The following CCDC171 variants were observed in gnomAD, a reference collection of about 807,000 sequenced individuals.
CCDC171 encodes the protein coiled-coil domain containing 171, also known as coiled-coil domain-containing protein 171.
A neutral mutation model predicts 168.2 loss-of-function variants in CCDC171; 177 were observed. That is an observed-to-expected ratio of 1.05 (90% CI 0.93 to 1.19). CCDC171 has a LOEUF of 1.19. Among genes scored for constraint, CCDC171 ranks in the 50% most tolerant of loss-of-function variants. CCDC171 has a pLI of 0.00. For synonymous variants in CCDC171, 687 were observed against 540.8 expected (o/e 1.27, Z -3.75); for missense variants, 1,991 against 1,539.0 (o/e 1.29, Z -4.91).
At chr9:16,046,764 T>G (rs1284302775) in intron 1 of CCDC171, among the ~76,000 whole-genome samples, 1 of 152,206 alleles carries the variant, frequency 6.6e-6, no homozygotes, top group Admixed American at 6.5e-5. Context: ...GCCTTTCACC[T>G]TCCACCATGA....
At chr9:15,984,480 AT>A in intron 3 of CCDC171, among the ~76,000 whole-genome samples, 1 of 150,972 alleles carries the variant, frequency 6.6e-6, no homozygotes, top group Non-Finnish European at 1.5e-5. Context: ...ATACATATAT[AT>A]GTCATAATTA....
chr9:15,976,585 A>G (rs1459208834), downstream of CCDC171, among the ~76,000 whole-genome samples: 1 of 151,894 alleles, frequency 6.6e-6, no homozygotes, highest in Admixed American at 6.6e-5. Flanking sequence ...TAGCTTTCTT[A>G]CAAAAGAAAT....
rs772670746 is a variant in CCDC171 at position 15,623,369 on chromosome 9, G to A, written c.778G>A (p.Glu260Lys). ...TTTACGGCGACAAACAAGTGAACTT[G>A]AATTTAGCACTCAACGAGAGGAACG... The part of the protein sequence containing the change: ...DLLRRQTSEL[E>K]FSTQREERLR... Residue 260 changes from glutamate (E) to lysine (K), a missense_variant, in exon 7 of 26, where the codon GAA becomes AAA. Glu to Lys is a moderately conservative substitution (Grantham distance 56). Coordinates refer to ENST00000380701, the MANE Select transcript of CCDC171 (RefSeq NM_173550.4). 1.2e-6 allele frequency: 2 copies of A among 1,611,994 alleles called. No homozygotes were observed. The highest frequency in any genetic ancestry group is 1.7e-6 in the Non-Finnish European group (2 of 1,178,834).
chr9:16,062,123 T>G (rs1044006103), downstream of CCDC171, among the ~76,000 whole-genome samples: 1 of 152,036 alleles, frequency 6.6e-6, no homozygotes, highest in African/African-American at 2.4e-5. Flanking sequence ...TGATGACCAC[T>G]AGGCTACACT....
chr9:16,072,718 T>C, the CCDC171 span, among the ~76,000 whole-genome samples: 1 of 152,096 alleles, frequency 6.6e-6, no homozygotes, highest in South Asian at 2.1e-4. Context: ...CACTCTCACC[T>C]CTATCTTGGT....
chr9:15,916,934 G>C (rs1442807360), intron 24 of CCDC171, among the ~76,000 whole-genome samples: 1 of 151,870 alleles, frequency 6.6e-6, no homozygotes, highest in Non-Finnish European at 1.5e-5. Context: ...CTGGGGCCAA[G>C]GATGACAACA....
chr9:15,970,893 G>A (rs1246157491), intron 25 of CCDC171, among the ~76,000 whole-genome samples: 3 of 152,138 alleles, frequency 2.0e-5, no homozygotes, highest in East Asian at 3.9e-4. Context: ...ACTACCAGTC[G>A]GGGACTGTGC....
In CCDC171 at chr9:16,048,837, G is replaced by A. The variant is rs575660417; in HGVS notation, n.89+5951G>A. Among the ~76,000 whole-genome samples the A allele has an allele frequency of 4.6e-5, 7 of 151,814 alleles. No homozygotes were observed. In the South Asian group the frequency reaches 1.5e-3, roughly 32 times the overall value. On this transcript the variant is annotated intron_variant and non_coding_transcript_variant, in intron 1 of 1. Coordinates refer to the CCDC171 transcript ENST00000478913. ...TTATTAGAACAGTACCTCGCACGTA[G>A]TAAACGCTGTGGACAGGCAGTATTA...
At chr9:15,993,177 C>G (rs944285909) in intron 3 of CCDC171, among the ~76,000 whole-genome samples, 2 of 151,730 alleles carry the variant, frequency 1.3e-5, no homozygotes, top group African/African-American at 4.9e-5. Flanking sequence ...AGGCATCATG[C>G]TACCTGACTT....
rs12684096 is a variant in CCDC171, at chr9:15,658,525, A to C, written c.915+1306A>C. On this transcript the variant is annotated intron_variant, in intron 8 of 25. Transcript: ENST00000380701. ...AGAACCTGTGAATATGTTACCTTAC[A>C]TGGCAAATGGGACTTTGCAGATGTG... Among the ~76,000 whole-genome samples the C allele has an allele frequency of 7.6e-4, 116 of 152,286 alleles. 3 individuals are homozygous for C. The highest frequency in any genetic ancestry group is 2.7e-3 in the African/African-American group (111 of 41,558).
chr9:16,072,159 T>G, the CCDC171 span, among the ~76,000 whole-genome samples: 1 of 152,242 alleles, frequency 6.6e-6, no homozygotes, highest in Non-Finnish European at 1.5e-5. Flanking sequence ...TTTTACAGAT[T>G]AAACAGAAGT....
the CCDC171 span, among the ~76,000 whole-genome samples, chr9:16,103,869 C>A: frequency 6.6e-6 from 1 of 152,124 alleles, no homozygotes; most frequent in South Asian, 2.1e-4. Flanking sequence ...AATTTGGGGA[C>A]GTGTTCAAAA....
intron 7 of CCDC171, among the ~76,000 whole-genome samples, chr9:15,640,664 G>C (rs954510718): frequency 1.3e-5 from 2 of 152,008 alleles, no homozygotes; most frequent in African/African-American, 4.8e-5. Flanking sequence ...CAGACTAATT[G>C]AATAATATTA....
chr9:15,684,797 A>T (rs1297399094), intron 10 of CCDC171, among the ~76,000 whole-genome samples: 1 of 152,210 alleles, frequency 6.6e-6, no homozygotes, highest in Non-Finnish European at 1.5e-5. Context: ...TTTAACCAAC[A>T]TTGACTCCTC....
chr9:15,896,878 C>T (rs1025983365), intron 24 of CCDC171, among the ~76,000 whole-genome samples: 1 of 152,016 alleles, frequency 6.6e-6, no homozygotes, highest in South Asian at 2.1e-4. Context: ...ATGGGCTATC[C>T]AGAAAACTTC....
chr9:15,883,922 A>G (rs774475245), intron 24 of CCDC171, among the ~76,000 whole-genome samples: 14 of 152,244 alleles, frequency 9.2e-5, no homozygotes, highest in Non-Finnish European at 1.8e-4. Flanking sequence ...CAGAAGGTTG[A>G]AGCAGTTATG....
intron 24 of CCDC171, among the ~76,000 whole-genome samples, chr9:15,890,921 G>C (rs528047611): frequency 6.6e-6 from 1 of 152,184 alleles, no homozygotes; most frequent in South Asian, 2.1e-4. Context: ...TATTATATCA[G>C]AATCAGAGTG....
At chr9:15,922,219 A>G (rs773071774) in intron 25 of CCDC171, 1 of 354,426 alleles carries the variant, frequency 2.8e-6, no homozygotes, top group South Asian at 2.3e-5. Context: ...TTTTAGGAGA[A>G]TGCTGCCCAA....
the CCDC171 span, among the ~76,000 whole-genome samples, chr9:16,089,748 AC>A: frequency 0.019 from 2,841 of 151,838 alleles, 84 homozygotes; most frequent in African/African-American, 0.063. Context: ...GAAAAAAAAA[AC>A]CCATCAAAAA....
Sources: allele counts gnomAD v4.1 joint callset (sites outside exome capture counted in the v4.1 genomes callset), GRCh38; gene constraint gnomAD v4.1.1; transcripts MANE v1.5; gene names NCBI Gene and HGNC (gene_info 2026-07-23, HGNC 2026-07-21).